Variants in CD101 observed in about 807,000 individuals in gnomAD.
The protein encoded by CD101 is immunoglobulin superfamily member 2.
In CD101, 76 loss-of-function variants were observed where a neutral mutation model predicts 98.2. The ratio of observed to expected loss-of-function variants is 0.77; its 90% CI spans 0.64 to 0.94. CD101 has a LOEUF of 0.94. Among genes scored for constraint, CD101 ranks in the 40% least tolerant of loss-of-function variants. CD101 has a pLI of 0.00. For missense variants in CD101, 1,145 were observed against 1,218.8 expected (o/e 0.94, Z 0.90); for synonymous variants, 471 against 472.7 (o/e 1.00, Z 0.05).
intron 8 of CD101, among the ~76,000 whole-genome samples, chr1:117,031,221 G>C (rs1654442740): frequency 6.6e-6 from 1 of 152,178 alleles, no homozygotes; most frequent in African/African-American, 2.4e-5. Flanking sequence ...GCCATCCTTT[G>C]ATGGCAGATT....
intron 8 of CD101, among the ~76,000 whole-genome samples, chr1:117,029,253 GA>G (rs1570745799): frequency 7.1e-6 from 1 of 140,534 alleles, no homozygotes; most frequent in Admixed American, 6.9e-5. Flanking sequence ...AAGAAAGAAA[GA>G]AAGAAAGAAA....
rs1316272648 is a variant in CD101, at chr1:117,033,459, G to A, written c.2825-401G>A. 4.6e-5 allele frequency among the ~76,000 whole-genome samples: 7 copies of A among 152,138 alleles called. No individual in the cohort carries two copies. Among genetic ancestry groups the A allele is most frequent in the African/African-American group, 1.7e-4 (7 of 41,426 alleles). On this transcript the variant is annotated intron_variant, in intron 8 of 9. Coordinates refer to ENST00000682167, the MANE Select transcript of CD101 (RefSeq NM_001256106.3). The surrounding 1 kb of genome is among the most constrained non-coding windows in gnomAD (Gnocchi z 4.8). ...GAGTGTGTGCCTGTGTGTTGGAGGA[G>A]CAGCAGTGGGAATAACTCAGTTAAA...
Position 117,017,396 on chromosome 1 carries a change from G to A in CD101, c.1535G>A (p.Arg512Lys). ...AITDSGTYEC[R>K]VSEKSRNQAR... ...ACAGACAGTGGCACATATGAGTGCAGAGTATCTGAGAAGTCTCGGAACCAG... is the reference window on the plus strand; with the variant it reads ...ACAGACAGTGGCACATATGAGTGCAAAGTATCTGAGAAGTCTCGGAACCAG... Residue 512 changes from arginine to lysine, a missense_variant, in exon 5 of 10, where the codon AGA becomes AAA. Physicochemically the swap from Arg to Lys is conservative, Grantham distance 26. Transcript: ENST00000682167. 6.2e-7 allele frequency: 1 copy of A among 1,614,264 alleles called. No individual in the cohort carries two copies. Among genetic ancestry groups the A allele is most frequent in the Non-Finnish European group, 8.5e-7 (1 of 1,180,046 alleles).
chr1:117,022,010 ATGTC>A lies in CD101; in HGVS notation c.2428+38_2428+41del, dbSNP rs754147949. The A allele has an allele frequency of 3.2e-6, 5 of 1,571,270 alleles. No individual in the cohort carries two copies. The highest frequency in any genetic ancestry group is 4.3e-6 in the Non-Finnish European group (5 of 1,161,072). On this transcript the variant is annotated intron_variant, in intron 7 of 9. Coordinates refer to ENST00000682167, the MANE Select transcript of CD101 (RefSeq NM_001256106.3). This position sits in a 1 kb window ranked among gnomAD's most constrained non-coding sequence, Gnocchi z 4.8. ...TAAACCTTGCGAGTGTATCCTCACA[ATGTC>A]TGTCTGTCTGACGGCTGTTTTCTCT...
chr1:117,007,460 G>T (rs1652602735), intron 1 of CD101, among the ~76,000 whole-genome samples: 1 of 151,522 alleles, frequency 6.6e-6, no homozygotes, highest in African/African-American at 2.4e-5. Context: ...CGATTTTCTT[G>T]CCTCAGCCTC....
At chr1:117,029,781 G>A (rs1043225627) in intron 8 of CD101, among the ~76,000 whole-genome samples, 2 of 152,184 alleles carry the variant, frequency 1.3e-5, no homozygotes, top group Non-Finnish European at 2.9e-5. Context: ...TCCCAGCTTG[G>A]GCTGGTTTTA....
Position 117,033,497 on chromosome 1 carries a change from G to A in CD101, c.2825-363G>A, listed in dbSNP as rs1447099827. On this transcript the variant is annotated intron_variant, in intron 8 of 9. Coordinates refer to ENST00000682167, the MANE Select transcript of CD101 (RefSeq NM_001256106.3). The surrounding 1 kb of genome is among the most constrained non-coding windows in gnomAD (Gnocchi z 4.8). The stretch of plus-strand genomic sequence containing the variant: ...TAACTCAGTTAAAAATTCAGGACTG[G>A]CAACACTGTTGAGAACGAGGGTTGA... Among the ~76,000 whole-genome samples, 1 of 152,174 alleles carries A rather than the reference G, an allele frequency of 6.6e-6. No individual in the cohort carries two copies. The highest frequency in any genetic ancestry group is 1.5e-5 in the Non-Finnish European group (1 of 68,032).
chr1:117,029,242 A>T (rs572589115), intron 8 of CD101, among the ~76,000 whole-genome samples: 5 of 146,602 alleles, frequency 3.4e-5, no homozygotes, highest in African/African-American at 1.4e-4. Flanking sequence ...AGAAAGAAAG[A>T]AAGAAAGAAA....
chr1:117,014,228 T>TGTGTGTGTGTGA (rs35135251), intron 4 of CD101, among the ~76,000 whole-genome samples: 55 of 141,030 alleles, frequency 3.9e-4, no homozygotes, highest in Middle Eastern at 7.1e-3. Context: ...TGTGTGTGTG[T>TGTGTGTGTGTGA]GATATGAATA....
intron 8 of CD101, 117 bp downstream of exon 8, chr1:117,026,021 C>T (rs1653901861): frequency 8.8e-7 from 1 of 1,130,102 alleles, no homozygotes; most frequent in African/African-American, 1.6e-5. Flanking sequence ...AGACTGAAGA[C>T]AATTTTCAGG....
chr1:117,023,200 C>T lies in CD101; in HGVS notation c.2428+1217C>T, dbSNP rs1369657599. On this transcript the variant is annotated intron_variant, in intron 7 of 9. Coordinates refer to ENST00000682167, the MANE Select transcript of CD101 (RefSeq NM_001256106.3). The surrounding 1 kb of genome is among the most constrained non-coding windows in gnomAD (Gnocchi z 4.4). ...ATGCTCATTTGCACTTCTGCATTTC[C>T]CATCTGTGTGATTGGCATTCTGTCT... Among the ~76,000 whole-genome samples the T allele has an allele frequency of 6.6e-6, 1 of 152,172 alleles. No homozygotes were observed. The highest frequency in any genetic ancestry group is 2.4e-5 in the African/African-American group (1 of 41,432).
At chr1:117,035,581 G>A (rs1480916243) in intron 9 of CD101, among the ~76,000 whole-genome samples, 1 of 142,616 alleles carries the variant, frequency 7.0e-6, no homozygotes, top group Admixed American at 7.3e-5. Flanking sequence ...ATGAAGTCTC[G>A]CTCTGTCGCC....
At position 117,023,822 on chromosome 1, in the gene CD101, A is replaced by T. The variant is rs1160923736; in HGVS notation, c.2429-1687A>T. ...TCATTTAGGGAACAAGTTAACCAAG[A>T]GGCCCCAGAAAGATGCTGAGAATGA... On this transcript the variant is annotated intron_variant, in intron 7 of 9. Transcript: ENST00000682167. The surrounding 1 kb of genome is among the most constrained non-coding windows in gnomAD (Gnocchi z 4.4). 6.6e-6 allele frequency among the ~76,000 whole-genome samples: 1 copy of T among 152,152 alleles called. No individual in the cohort carries two copies. The highest frequency in any genetic ancestry group is 1.5e-5 in the Non-Finnish European group (1 of 68,032).
intron 9 of CD101, among the ~76,000 whole-genome samples, chr1:117,035,400 A>G (rs914980314): frequency 3.9e-5 from 6 of 152,296 alleles, no homozygotes; most frequent in African/African-American, 1.2e-4. Flanking sequence ...GAGCACTCCT[A>G]CTATGGACCT....
chr1:117,025,511 A>G lies in CD101; in HGVS notation c.2431A>G (p.Ser811Gly). 1 of 1,529,752 alleles carries G rather than the reference A, an allele frequency of 6.5e-7. No homozygotes were observed. The highest frequency in any genetic ancestry group is 8.8e-7 in the Non-Finnish European group (1 of 1,141,350). The allele number at this position is 1,529,752 out of a possible 1,614,324, so 94.8% of individuals were successfully genotyped here. The part of the protein sequence containing the change: ...LTELKLKPTG[S>G]KVRVSKVYWT... ...TTTACTGCCATTTTATTTTCTAGGAAGTAAGGTACGTGTCTCCAAAGTGTA... is the reference window on the plus strand; with the variant it reads ...TTTACTGCCATTTTATTTTCTAGGAGGTAAGGTACGTGTCTCCAAAGTGTA... The change falls in exon 8 of 10, where the codon AGT becomes GGT. Residue 811 changes from serine (S) to glycine (G), a missense_variant and splice_region_variant. Ser to Gly is a moderately conservative substitution (Grantham distance 56, BLOSUM62 0). Transcript: ENST00000682167.
intron 8 of CD101, among the ~76,000 whole-genome samples, chr1:117,029,194 A>AGAAGAAG (rs199604360): frequency 1.4e-4 from 6 of 43,450 alleles, no homozygotes; most frequent in East Asian, 5.7e-4. Context: ...AAAGAAAGAA[A>AGAAGAAG]GAAAGAAAGA....
chr1:117,011,740 T>A lies in CD101; in HGVS notation c.615T>A (p.Phe205Leu). ...ATEIISLSKD[F>L]ILVPGPLYTE... is the part of the protein sequence containing the mutation. ...AGATTATTTCTCTCTCCAAAGATTTTATATTGGTCCCTGGGCCCTTGTATA... is the reference window on the plus strand; with the variant it reads ...AGATTATTTCTCTCTCCAAAGATTTAATATTGGTCCCTGGGCCCTTGTATA... The change falls in exon 3 of 10, where the codon TTT becomes TTA. Residue 205 changes from phenylalanine (F) to leucine (L), a missense_variant. Phe to Leu is a conservative substitution (Grantham distance 22, BLOSUM62 0). Coordinates refer to ENST00000682167, the MANE Select transcript of CD101 (RefSeq NM_001256106.3). 6.2e-7 allele frequency: 1 copy of A among 1,614,106 alleles called. No individual in the cohort carries two copies. Among genetic ancestry groups the A allele is most frequent in the South Asian group, 1.1e-5 (1 of 91,076 alleles).
chr1:117,025,293 G>A (rs1414264940), intron 7 of CD101, among the ~76,000 whole-genome samples: 1 of 152,188 alleles, frequency 6.6e-6, no homozygotes, highest in Non-Finnish European at 1.5e-5. Flanking sequence ...AACCCAGGAG[G>A]CAGTGGTTGC....
Position 117,012,026 on chromosome 1 carries a change from G to T in CD101, c.841+60G>T. On this transcript the variant is annotated intron_variant, in intron 3 of 9. Coordinates refer to ENST00000682167, the MANE Select transcript of CD101 (RefSeq NM_001256106.3). This position sits in a 1 kb window ranked among gnomAD's most constrained non-coding sequence, Gnocchi z 4.0. ...AGTATTAGGTAGTGGGTATTTATGA[G>T]GTATGTTTTAATTTTTGTTCTAATC... 1 of 1,404,140 alleles carries T rather than the reference G, an allele frequency of 7.1e-7. No homozygotes were observed. Among genetic ancestry groups the T allele is most frequent in the Non-Finnish European group, 9.7e-7 (1 of 1,033,048 alleles). The allele number at this position is 1,404,140 out of a possible 1,614,324, so 87.0% of individuals were successfully genotyped here.
Sources: allele counts gnomAD v4.1 joint callset (sites outside exome capture counted in the v4.1 genomes callset), GRCh38; gene constraint gnomAD v4.1.1; non-coding constraint Gnocchi (gnomAD v3.1); transcripts MANE v1.5; gene names NCBI Gene and HGNC (gene_info 2026-07-23, HGNC 2026-07-21).